MAOB: variants seen among roughly 807,000 people sequenced by gnomAD.
MAOB encodes the protein monoamine oxidase B, also known as amine oxidase [flavin-containing] B.
Under a neutral mutation model 41.9 loss-of-function variants are expected in MAOB, and 15 were observed. The ratio of observed to expected loss-of-function variants is 0.36; its 90% CI spans 0.24 to 0.55. The LOEUF is 0.55. Among genes scored for constraint, MAOB ranks in the 20% least tolerant of loss-of-function variants. The pLI is 0.86. For synonymous variants in MAOB, 167 were observed against 144.2 expected (o/e 1.16, Z -1.13); for missense variants, 345 against 398.7 (o/e 0.87, Z 1.15).
rs757888894 is a variant in MAOB at position 43,848,714 on chromosome X, C to T, written c.47-4950G>A. On this transcript the variant is annotated intron_variant, in intron 1 of 14. Coordinates refer to ENST00000378069, the MANE Select transcript of MAOB (RefSeq NM_000898.5). ...GATTACACGCAAGCACCACTACGCC[C>T]GGCTAAGTTTTGTACTTTTTGTAGA... 2.5e-4 allele frequency among the ~76,000 whole-genome samples: 28 copies of T among 111,817 alleles called. No homozygotes were observed. In the South Asian group the frequency reaches 6.4e-3, roughly 26 times the overall value.
At chrX:43,816,749 G>C (rs1422004870) in intron 3 of MAOB, among the ~76,000 whole-genome samples, 1 of 111,893 alleles carries the variant, frequency 8.9e-6, no homozygotes, top group Non-Finnish European at 1.9e-5. Context: ...CTCTGAGAGA[G>C]AAATAAGAGG....
intron 3 of MAOB, among the ~76,000 whole-genome samples, chrX:43,805,447 G>C (rs1234508262): frequency 9.0e-6 from 1 of 111,173 alleles, no homozygotes; most frequent in Non-Finnish European, 1.9e-5. Flanking sequence ...CCCCTTCCTA[G>C]ACAATCCCTG....
In MAOB at chrX:43,768,645, A is replaced by T; in HGVS notation, c.1410+9T>A. ...GATATCTAATTTCATGAAATAAAAC[A>T]TAGCCTACCACAGACTCTGGTTCTG... On this transcript the variant is annotated intron_variant, in intron 14 of 14. Transcript: ENST00000378069. The T allele has an allele frequency of 1.2e-5, 14 of 1,194,782 alleles. No homozygotes were observed. Among genetic ancestry groups the T allele is most frequent in the Non-Finnish European group, 1.6e-5 (14 of 880,261 alleles).
At chrX:43,833,340 C>T (rs56099201) in intron 3 of MAOB, among the ~76,000 whole-genome samples, 2,192 of 110,972 alleles carry the variant, frequency 0.02, 27 homozygotes, top group Middle Eastern at 0.12. Flanking sequence ...ACATGTGATA[C>T]GCAGCCTGGG....
chrX:43,802,300 T>G, intron 4 of MAOB, 37 bp from the exon 5 acceptor site: 1 of 911,046 alleles, frequency 1.1e-6, no homozygotes, highest in Non-Finnish European at 1.6e-6. Flanking sequence ...GAAAGACAAA[T>G]GTAATTTTCT....
In MAOB at chrX:43,843,808, G is replaced by T. The variant is rs1194396938; in HGVS notation, c.47-44C>A. On this transcript the variant is annotated intron_variant, in intron 1 of 14. Coordinates refer to ENST00000378069, the MANE Select transcript of MAOB (RefSeq NM_000898.5). The stretch of plus-strand genomic sequence containing the variant: ...AGACATCAGGATCAAATACAAGGAT[G>T]CCAGACAAGCTCCTCATGCTAACAG... 4 of 1,196,830 alleles carry T rather than the reference G, an allele frequency of 3.3e-6. No individual in the cohort carries two copies. In the African/African-American group the frequency reaches 7.0e-5, roughly 21 times the overall value.
At chrX:43,787,298 A>C (rs1237569843) in intron 8 of MAOB, among the ~76,000 whole-genome samples, 1 of 111,794 alleles carries the variant, frequency 8.9e-6, no homozygotes, top group African/African-American at 3.3e-5. Context: ...TGATGAGATG[A>C]TAATAACATT....
At chrX:43,808,155 C>T (rs2034692530) in intron 3 of MAOB, among the ~76,000 whole-genome samples, 1 of 111,446 alleles carries the variant, frequency 9.0e-6, no homozygotes, top group Non-Finnish European at 1.9e-5. Flanking sequence ...CATCCTTCTG[C>T]ACTATCAGTG....
At position 43,882,120 on chromosome X, in the gene MAOB, G is replaced by A. The variant is rs2035477130; in HGVS notation, c.46+134C>T. 6.5e-6 allele frequency: 7 copies of A among 1,072,350 alleles called. No individual in the cohort carries two copies. In the Admixed American group the frequency reaches 1.5e-4, roughly 23 times the overall value. The allele number at this position is 1,072,350 out of a possible 1,213,427, so 88.4% of individuals were successfully genotyped here. A position where few individuals can be genotyped will look rare whatever the true frequency, so the allele number is the denominator to read the frequency against. On this transcript the variant is annotated intron_variant, in intron 1 of 14. Transcript: ENST00000378069. ...AGTGCACGGCGCTCTGGACCCACTA[G>A]AGCCCTGCCCGTGCGTGGACAGTCT...
chrX:43,870,178 C>T (rs962861877), intron 1 of MAOB, among the ~76,000 whole-genome samples: 2 of 112,407 alleles, frequency 1.8e-5, no homozygotes, highest in Non-Finnish European at 3.8e-5. Context: ...AGATGGACAG[C>T]GTCCAAACTT....
intron 11 of MAOB, among the ~76,000 whole-genome samples, chrX:43,777,198 G>A (rs150990506): frequency 0.015 from 1,642 of 110,687 alleles, 45 homozygotes; most frequent in African/African-American, 0.05. Flanking sequence ...CCCATTACTG[G>A]GTATATACCC....
At chrX:43,824,676 C>T (rs1167127218) in intron 3 of MAOB, among the ~76,000 whole-genome samples, 3 of 110,052 alleles carry the variant, frequency 2.7e-5, no homozygotes, top group East Asian at 2.8e-4. Context: ...GAGTGAGACT[C>T]TGTCTCAAAA....
chrX:43,783,520 A>C (rs1404389222), intron 8 of MAOB, among the ~76,000 whole-genome samples: 1 of 111,936 alleles, frequency 8.9e-6, no homozygotes, highest in Non-Finnish European at 1.9e-5. Flanking sequence ...GTGCATATAA[A>C]AGTTATATCT....
intron 3 of MAOB, among the ~76,000 whole-genome samples, chrX:43,820,256 C>T (rs1484109983): frequency 8.9e-6 from 1 of 112,214 alleles, no homozygotes; most frequent in East Asian, 2.8e-4. Flanking sequence ...TTCATAAACT[C>T]CCACCAATAA....
chrX:43,852,931 T>G (rs746583420), intron 1 of MAOB, among the ~76,000 whole-genome samples: 1 of 110,244 alleles, frequency 9.1e-6, no homozygotes, highest in African/African-American at 3.3e-5. Context: ...AAGGAAGAGG[T>G]TAACTACAGA....
intron 3 of MAOB, among the ~76,000 whole-genome samples, chrX:43,806,089 A>G (rs1437738523): frequency 8.9e-6 from 1 of 112,381 alleles, no homozygotes; most frequent in Non-Finnish European, 1.9e-5. Context: ...GTTCCCATAT[A>G]CCTTTCACCT....
chrX:43,821,973 A>G (rs1330666950), intron 3 of MAOB, among the ~76,000 whole-genome samples: 1 of 112,355 alleles, frequency 8.9e-6, no homozygotes, highest in Non-Finnish European at 1.9e-5. Context: ...TGGTAAAGTT[A>G]TTGAAGCCCC....
intron 1 of MAOB, among the ~76,000 whole-genome samples, chrX:43,874,262 G>A (rs920600031): frequency 1.3e-4 from 14 of 111,896 alleles, no homozygotes; most frequent in African/African-American, 4.2e-4. Context: ...TATTGTTTGT[G>A]ATACTTCTTT....
chrX:43,877,134 A>G (rs1371962573), intron 1 of MAOB, among the ~76,000 whole-genome samples: 2 of 112,397 alleles, frequency 1.8e-5, no homozygotes, highest in Admixed American at 1.9e-4. Context: ...AAGGCATGGG[A>G]AGGTTAACTA....
Sources: gnomAD v4.1 joint callset for allele counts (sites outside exome capture counted in the v4.1 genomes callset) on GRCh38, gnomAD v4.1.1 for gene constraint, MANE v1.5 for transcripts, NCBI Gene and HGNC (gene_info 2026-07-23, HGNC 2026-07-21) for gene names.